The following MAST4 variants were observed in gnomAD, a reference collection of about 807,000 sequenced individuals.
MAST4 encodes microtubule associated serine/threonine kinase family member 4.
A neutral mutation model predicts 162.7 loss-of-function variants in MAST4; 89 were observed. The ratio of observed to expected loss-of-function variants is 0.55; its 90% CI spans 0.46 to 0.65. The LOEUF (loss-of-function observed/expected upper bound fraction) is 0.65, where lower values mean the gene tolerates loss of function less well. MAST4 is among the 30% of genes least tolerant of loss of function. MAST4 has a pLI of 0.00. For synonymous variants in MAST4, 1,479 were observed against 1,361.1 expected (o/e 1.09, Z -1.91); for missense variants, 3,153 against 3,374.0 (o/e 0.93, Z 1.62).
At chr5:66,626,127 A>G (rs1000925324) in intron 1 of MAST4, among the ~76,000 whole-genome samples, 2 of 126,142 alleles carry the variant, frequency 1.6e-5, no homozygotes, top group East Asian at 2.3e-4. Context: ...TTATGGGATG[A>G]TATTAGTCAA....
chr5:67,144,696 C>T lies in MAST4; in HGVS notation c.2758C>T (p.Gln920Ter), dbSNP rs1344599294. ...TTTCAGCAGTATAGATCGAATCACT[C>T]AGAATTCAGCAGAAGAGAAGGAAGA... ...KVFSSIDRIT[Q>*]NSAEEKEDSV... The change falls in exon 22 of 29, where the codon CAG becomes TAG. Residue 920 changes from glutamine (Q) to a stop codon, truncating the protein, a stop_gained. Transcript: ENST00000403625. LOFTEE classifies it high-confidence loss of function. 4 of 1,613,894 alleles carry T rather than the reference C, an allele frequency of 2.5e-6. No homozygotes were observed. In the Admixed American group the frequency reaches 6.7e-5, roughly 27 times the overall value.
intron 4 of MAST4, among the ~76,000 whole-genome samples, chr5:67,008,502 G>A (rs1277412720): frequency 6.6e-6 from 1 of 152,362 alleles, no homozygotes; most frequent in African/African-American, 2.4e-5. Flanking sequence ...TTGCTGCTAA[G>A]TTTTGAGTTG....
chr5:66,774,914 A>G (rs375895491), intron 2 of MAST4, among the ~76,000 whole-genome samples: 1 of 152,122 alleles, frequency 6.6e-6, no homozygotes, highest in Non-Finnish European at 1.5e-5. Context: ...TATCAGACAT[A>G]TAGTCTCATA....
chr5:66,725,807 G>GCACTATGATATGTGCCAGGGATT (rs1751479567), intron 1 of MAST4, among the ~76,000 whole-genome samples: 1 of 152,090 alleles, frequency 6.6e-6, no homozygotes, highest in East Asian at 1.9e-4. Context: ...TCTGCAGGAG[G>GCACTATGATATGTGCCAGGGATT]CACTATGATA....
intron 4 of MAST4, among the ~76,000 whole-genome samples, chr5:66,994,950 A>G (rs978518967): frequency 1.1e-4 from 17 of 152,350 alleles, no homozygotes; most frequent in African/African-American, 3.8e-4. Flanking sequence ...CTGGAATTCA[A>G]AACTGTTCAC....
intron 4 of MAST4, among the ~76,000 whole-genome samples, chr5:66,938,849 G>T (rs1561462224): frequency 6.6e-6 from 1 of 152,196 alleles, no homozygotes. Context: ...CAACTGGCAG[G>T]TTGGGGAAAT....
chr5:67,030,094 A>G (rs1317710655), intron 4 of MAST4, among the ~76,000 whole-genome samples: 2 of 152,106 alleles, frequency 1.3e-5, no homozygotes, highest in Non-Finnish European at 2.9e-5. Flanking sequence ...ATTTAGGAGC[A>G]TCTAGGAAAT....
chr5:66,655,314 G>A (rs941534273), intron 1 of MAST4, among the ~76,000 whole-genome samples: 2 of 152,164 alleles, frequency 1.3e-5, no homozygotes, highest in Admixed American at 6.5e-5. Context: ...TGAAGGAGTC[G>A]AAAGAAATGG....
chr5:66,762,630 C>T (rs1208670755), intron 2 of MAST4, among the ~76,000 whole-genome samples: 1 of 152,174 alleles, frequency 6.6e-6, no homozygotes, highest in African/African-American at 2.4e-5. Context: ...TTTAGGTAAC[C>T]AAATAATCAC....
chr5:66,927,299 C>G (rs1561452664), intron 4 of MAST4, among the ~76,000 whole-genome samples: 1 of 152,184 alleles, frequency 6.6e-6, no homozygotes, highest in Non-Finnish European at 1.5e-5. Context: ...GTTGTAATAC[C>G]TCCAGATATG....
intron 1 of MAST4, among the ~76,000 whole-genome samples, chr5:66,639,966 A>G (rs1745378726): frequency 6.6e-6 from 1 of 152,172 alleles, no homozygotes. Context: ...TCTAAACACT[A>G]TTCTCAACAA....
At chr5:67,151,019 A>T (rs1771736609) in intron 24 of MAST4, among the ~76,000 whole-genome samples, 1 of 152,156 alleles carries the variant, frequency 6.6e-6, no homozygotes, top group Non-Finnish European at 1.5e-5. Context: ...TAGCACTGGG[A>T]ACTTTGTAGC....
chr5:67,047,457 T>C (rs1019513095), intron 4 of MAST4, among the ~76,000 whole-genome samples: 2 of 152,230 alleles, frequency 1.3e-5, no homozygotes, highest in South Asian at 2.1e-4. Context: ...TCTGGTCTTA[T>C]CCTCTCTCAC....
At position 66,677,199 on chromosome 5, in the gene MAST4, T is replaced by C. The variant is rs111939804; in HGVS notation, c.363+80181T>C. 8.4e-3 allele frequency among the ~76,000 whole-genome samples: 1,274 copies of C among 152,374 alleles called. 17 individuals carry two copies. The highest frequency in any genetic ancestry group is 0.028 in the African/African-American group (1,174 of 41,578). On this transcript the variant is annotated intron_variant, in intron 1 of 28. Coordinates refer to ENST00000403625, the MANE Select transcript of MAST4 (RefSeq NM_001164664.2). ...AGTGCAAACAAGTACATGTATCTTC[T>C]CTAGCAATAGTATTTATTGAGAGAG...
intron 1 of MAST4, among the ~76,000 whole-genome samples, chr5:66,708,688 A>C (rs527922864): frequency 6.6e-6 from 1 of 152,192 alleles, no homozygotes; most frequent in African/African-American, 2.4e-5. Context: ...ATGTTTGGCT[A>C]TTAAGGTTTT....
chr5:67,012,549 A>T (rs928942065), intron 4 of MAST4, among the ~76,000 whole-genome samples: 1 of 152,204 alleles, frequency 6.6e-6, no homozygotes, highest in Non-Finnish European at 1.5e-5. Flanking sequence ...AAGATATTAA[A>T]ATGGTCCTGG....
At chr5:66,687,480 A>G (rs1748738443) in intron 1 of MAST4, among the ~76,000 whole-genome samples, 1 of 151,908 alleles carries the variant, frequency 6.6e-6, no homozygotes, top group South Asian at 2.1e-4. Context: ...GTATATATGT[A>G]TACATACATA....
At chr5:67,058,303 C>T (rs1231470366) in intron 5 of MAST4, among the ~76,000 whole-genome samples, 1 of 152,090 alleles carries the variant, frequency 6.6e-6, no homozygotes, top group African/African-American at 2.4e-5. Flanking sequence ...GGAAAGCGGT[C>T]CCTTTCCCAT....
intron 1 of MAST4, among the ~76,000 whole-genome samples, chr5:66,718,174 C>CTTT (rs200133080): frequency 2.2e-5 from 3 of 134,350 alleles, no homozygotes; most frequent in South Asian, 2.6e-4. Flanking sequence ...GTTTTTTTTT[C>CTTT]TTTTTTTTTT....
Sources: gnomAD v4.1 joint callset for allele counts (sites outside exome capture counted in the v4.1 genomes callset) on GRCh38, gnomAD v4.1.1 for gene constraint, MANE v1.5 for transcripts, NCBI Gene and HGNC (gene_info 2026-07-23, HGNC 2026-07-21) for gene names.